IPO8: variants seen among roughly 807,000 people sequenced by gnomAD.
IPO8 encodes the protein importin 8.
In IPO8, 65 loss-of-function variants were observed where a neutral mutation model predicts 141.2. The observed-to-expected ratio is 0.46, with a 90% CI of 0.38 to 0.57. The LOEUF (loss-of-function observed/expected upper bound fraction) is 0.57, where lower values mean the gene tolerates loss of function less well. Ranked by LOEUF, IPO8 falls within the 20% of genes least tolerant of loss-of-function variation. The pLI is 0.00. For synonymous variants in IPO8, 411 were observed against 420.3 expected (o/e 0.98, Z 0.27); for missense variants, 980 against 1,246.8 (o/e 0.79, Z 3.22).
rs1243382754 is a variant in IPO8 at position 30,630,018 on chromosome 12, AATTAC to A, written c.*837_*841del. ...AGGTATGATTATCAATTAATTGCAT[AATTAC>A]ATTATTCAGAATATACTCAGACTTA... On this transcript the variant is annotated 3_prime_UTR_variant, in exon 25 of 25. Transcript: ENST00000256079. 6.6e-6 allele frequency: 1 copy of A among 152,202 alleles called. No homozygotes were observed. Among genetic ancestry groups the A allele is most frequent in the Non-Finnish European group, 1.5e-5 (1 of 68,040 alleles). The allele number at this position is 152,202 out of a possible 1,614,324, so 9.4% of individuals were successfully genotyped here.
chr12:30,670,304 A>C (rs1459800265), intron 9 of IPO8, among the ~76,000 whole-genome samples: 1 of 152,218 alleles, frequency 6.6e-6, no homozygotes, highest in Non-Finnish European at 1.5e-5. Context: ...ATCATTTATA[A>C]AATTTAAGAA....
At chr12:30,677,153 C>T (rs1412313673) in intron 5 of IPO8, 21 of 1,274,548 alleles carry the variant, frequency 1.6e-5, no homozygotes, top group South Asian at 5.1e-5. Flanking sequence ...TTTGCCCTCA[C>T]GAAGCTTACA....
intron 7 of IPO8, 25 bp from the exon 8 acceptor site, chr12:30,674,099 C>G: frequency 7.2e-7 from 1 of 1,383,942 alleles, no homozygotes; most frequent in South Asian, 1.2e-5. Context: ...AGAAAATGTA[C>G]AAATACCGTG....
chr12:30,667,157 C>T (rs1360439556), intron 10 of IPO8, among the ~76,000 whole-genome samples: 2 of 152,188 alleles, frequency 1.3e-5, no homozygotes, highest in East Asian at 3.9e-4. Context: ...TGTACTTACT[C>T]TGTGCCAAGC....
At chr12:30,671,184 G>C (rs530820876) in intron 8 of IPO8, 88 bp from the exon 9 acceptor site, 1 of 764,686 alleles carries the variant, frequency 1.3e-6, no homozygotes, top group African/African-American at 1.8e-5. Flanking sequence ...CTAAAATTCA[G>C]AATCCATAGA....
chr12:30,657,397 A>G (rs542401432), intron 16 of IPO8, among the ~76,000 whole-genome samples: 75 of 152,324 alleles, frequency 4.9e-4, no homozygotes, highest in South Asian at 1.4e-3. Flanking sequence ...GGAAATGATC[A>G]CAATTATGGG....
intron 10 of IPO8, among the ~76,000 whole-genome samples, chr12:30,668,668 C>A (rs1296777025): frequency 1.3e-5 from 2 of 152,154 alleles, no homozygotes; most frequent in African/African-American, 4.8e-5. Context: ...AATCAGGCCA[C>A]CTACACAATT....
At chr12:30,654,992 A>G (rs961032847) in intron 17 of IPO8, among the ~76,000 whole-genome samples, 2 of 152,142 alleles carry the variant, frequency 1.3e-5, no homozygotes, top group African/African-American at 4.8e-5. Flanking sequence ...AATGTGGTAT[A>G]TATACATGAT....
At position 30,674,063 on chromosome 12, in the gene IPO8, G is replaced by A; in HGVS notation, c.836C>T (p.Pro279Leu). The A allele has an allele frequency of 6.3e-7, 1 of 1,575,980 alleles. No homozygotes were observed. The highest frequency in any genetic ancestry group is 8.7e-7 in the Non-Finnish European group (1 of 1,151,556). ...VARLFERYGS[P>L]GNVTKEYFEF... is the part of the protein sequence containing the mutation. The stretch of plus-strand genomic sequence containing the variant: ...AAAGTATTCTTTTGTGACATTTCCT[G>A]GGCTTCCATATCTTAAAATACAAAG... The change falls in exon 8 of 25, where the codon CCA becomes CTA. Residue 279 changes from proline to leucine, a missense_variant. This residue lies in a region of IPO8 where 924 missense variants were observed against 1,153.9 expected (regional missense o/e 0.80). Transcript: ENST00000256079.
chr12:30,665,053 C>T (rs1221018443), intron 13 of IPO8, among the ~76,000 whole-genome samples, 167 bp downstream of exon 13: 1 of 152,156 alleles, frequency 6.6e-6, no homozygotes, highest in African/African-American at 2.4e-5. Context: ...AAATCTTTTT[C>T]TTTAATAGTC....
In IPO8 at chr12:30,665,851, GA is replaced by G. The variant is rs762219582; in HGVS notation, c.1222-7del. 4 of 1,559,214 alleles carry G rather than the reference GA, an allele frequency of 2.6e-6. No individual in the cohort carries two copies. The highest frequency in any genetic ancestry group is 3.5e-6 in the Non-Finnish European group (4 of 1,130,908). ...GCCATCATTTTTGGCAACACCTAAA[GA>G]AACAGAAGAATCCATTTAGTCTACA... On this transcript the variant is annotated splice_region_variant and splice_polypyrimidine_tract_variant and intron_variant, in intron 11 of 24. Coordinates refer to ENST00000256079, the MANE Select transcript of IPO8 (RefSeq NM_006390.4).
At chr12:30,675,589 A>G (rs2136164612) in intron 6 of IPO8, among the ~76,000 whole-genome samples, 1 of 151,974 alleles carries the variant, frequency 6.6e-6, no homozygotes, top group East Asian at 1.9e-4. Context: ...GCACTTTGGG[A>G]GGCCGAGGTG....
At position 30,634,136 on chromosome 12, in the gene IPO8, A is replaced by G; in HGVS notation, c.2846T>C (p.Leu949Pro). The change falls in exon 23 of 25, where the codon CTT becomes CCT. Residue 949 changes from leucine (L) to proline (P), a missense_variant. By Grantham distance (98) the Leu-to-Pro change is moderately conservative (BLOSUM62 -3). Transcript: ENST00000256079. The part of the protein sequence containing the change: ...ETALEGFSTP[L>P]DLDNSVDEYQ... The stretch of plus-strand genomic sequence containing the variant: ...TTCATCCACACTATTGTCAAGGTCA[A>G]GTGGAGTACTGAACCCCTCAAGCGC... 1 of 1,614,032 alleles carries G rather than the reference A, an allele frequency of 6.2e-7. No homozygotes were observed. Among genetic ancestry groups the G allele is most frequent in the South Asian group, 1.1e-5 (1 of 91,072 alleles).
At position 30,630,863 on chromosome 12, in the gene IPO8, G is replaced by A. The variant is rs774511173; in HGVS notation, c.3111C>T (p.Asn1037=). 6.2e-7 allele frequency: 1 copy of A among 1,610,830 alleles called. No homozygotes were observed. Among genetic ancestry groups the A allele is most frequent in the South Asian group, 1.1e-5 (1 of 90,954 alleles). The change falls in exon 25 of 25, where the codon AAC becomes AAT. Residue 1037 remains asparagine, a synonymous_variant. Coordinates refer to ENST00000256079, the MANE Select transcript of IPO8 (RefSeq NM_006390.4). ...AFNFGTVPSN[N] is the part of the protein sequence containing the mutation. ...TGGTCAGCTGATGTTCTTTCCTTCAGTTGTTGCTGGGCACAGTCCCAAAAT... is the reference window on the plus strand; with the variant it reads ...TGGTCAGCTGATGTTCTTTCCTTCAATTGTTGCTGGGCACAGTCCCAAAAT...
At chr12:30,649,260 G>A in intron 19 of IPO8, 28 bp from the exon 20 acceptor site, 1 of 1,526,084 alleles carries the variant, frequency 6.6e-7, no homozygotes, top group Non-Finnish European at 9.1e-7. Flanking sequence ...TAGCTCAGCA[G>A]TAAGTGGCAC....
rs1282440730 is a variant in IPO8 at position 30,630,525 on chromosome 12, T to C, written c.*335A>G. On this transcript the variant is annotated 3_prime_UTR_variant, in exon 25 of 25. Transcript: ENST00000256079. ...AGGCACTGTTATCCGCATAAATCCA[T>C]TGATTCTGCATGGCAAAAACCTGAG... is the stretch of plus-strand genomic sequence containing the variant. 6.3e-5 allele frequency: 16 copies of C among 255,964 alleles called. No homozygotes were observed. The East Asian group carries it at 1.2e-3, about 19-fold the overall frequency. 15.9% of individuals were successfully genotyped at this position (255,964 alleles called of 1,614,324 possible). A position where few individuals can be genotyped will look rare whatever the true frequency, so the allele number is the denominator to read the frequency against.
Position 30,665,289 on chromosome 12 carries a change from T to A in IPO8, c.1359A>T (p.Gln453His). Residue 453 changes from glutamine (Q) to histidine (H), a missense_variant, in exon 13 of 25, where the codon CAA becomes CAT. Gln to His is a conservative substitution (Grantham distance 24, BLOSUM62 0). This residue lies in a region of IPO8 where 924 missense variants were observed against 1,153.9 expected (regional missense o/e 0.80). Coordinates refer to ENST00000256079, the MANE Select transcript of IPO8 (RefSeq NM_006390.4). ...ILLKKSLFKD[Q>H]MELFLQNHVF... is the part of the protein sequence containing the mutation. ...CATGATTTTGTAGAAACAGCTCCATTTGGTCCTTGAATAAACTCTTCTATT... is the reference window on the plus strand; with the variant it reads ...CATGATTTTGTAGAAACAGCTCCATATGGTCCTTGAATAAACTCTTCTATT... 2.5e-6 allele frequency: 4 copies of A among 1,592,898 alleles called. No individual in the cohort carries two copies. Among genetic ancestry groups the A allele is most frequent in the Non-Finnish European group, 3.4e-6 (4 of 1,164,694 alleles).
chr12:30,652,840 T>C (rs1329521971), intron 18 of IPO8, 127 bp downstream of exon 18: 1 of 894,200 alleles, frequency 1.1e-6, no homozygotes, highest in Admixed American at 2.7e-5. Flanking sequence ...CCCCAGCTTT[T>C]ATGTGACCGG....
intron 20 of IPO8, among the ~76,000 whole-genome samples, chr12:30,647,603 CAAAAAAAAA>C (rs34098076): frequency 2.5e-5 from 1 of 40,788 alleles, no homozygotes; most frequent in African/African-American, 1.1e-4. Context: ...AGACCGTCTC[CAAAAAAAAA>C]AAAAAAAAAA....
Sources: gnomAD v4.1 joint callset for allele counts (sites outside exome capture counted in the v4.1 genomes callset) on GRCh38, gnomAD v4.1.1 for gene constraint, gnomAD v4.1.1 regional missense constraint, MANE v1.5 for transcripts, NCBI Gene and HGNC (gene_info 2026-07-23, HGNC 2026-07-21) for gene names.